DLC1: variants seen among roughly 807,000 people sequenced by gnomAD.
DLC1 encodes the protein DLC1 Rho GTPase activating protein, also known as rho GTPase-activating protein 7.
DLC1 carries 54 observed loss-of-function variants against 140.3 expected under a neutral mutation model. That is an observed-to-expected ratio of 0.38 (90% CI 0.31 to 0.48). The LOEUF is 0.48. Among genes scored for constraint, DLC1 ranks in the 20% least tolerant of loss-of-function variants. The probability of loss-of-function intolerance (pLI) is 0.96; values close to 1 mark genes in which losing one functional copy is unlikely to be tolerated. For synonymous variants in DLC1, 986 were observed against 728.1 expected (o/e 1.35, Z -5.70); for missense variants, 2,536 against 1,907.0 (o/e 1.33, Z -6.14).
At chr8:13,230,536 G>A (rs975353295) in intron 5 of DLC1, among the ~76,000 whole-genome samples, 4 of 151,934 alleles carry the variant, frequency 2.6e-5, no homozygotes, top group South Asian at 4.2e-4. Flanking sequence ...CTGCCTAAAT[G>A]GAGTAGATAT....
chr8:13,448,372 T>C (rs3066357), intron 2 of DLC1, among the ~76,000 whole-genome samples: 5 of 98,232 alleles, frequency 5.1e-5, no homozygotes, highest in East Asian at 2.9e-4. Flanking sequence ...TCTTCTTCTT[T>C]TTTTTTTTTG....
At chr8:13,508,364 C>G (rs1802201404) in intron 1 of DLC1, among the ~76,000 whole-genome samples, 2 of 152,036 alleles carry the variant, frequency 1.3e-5, no homozygotes, top group Admixed American at 6.5e-5. Context: ...CTAGGAGATC[C>G]CAGAATTAAC....
chr8:13,280,809 G>T (rs1410556513), intron 5 of DLC1, among the ~76,000 whole-genome samples: 1 of 152,168 alleles, frequency 6.6e-6, no homozygotes, highest in Non-Finnish European at 1.5e-5. Flanking sequence ...AATAATGATG[G>T]GAAATGAAAA....
rs571866975 is a variant in DLC1 at position 13,441,739 on chromosome 8, G to T, written c.1024-40120C>A. 1.2e-3 allele frequency among the ~76,000 whole-genome samples: 181 copies of T among 152,204 alleles called. 1 individual carries two copies. The highest frequency in any genetic ancestry group is 4.3e-3 in the African/African-American group (178 of 41,522). On this transcript the variant is annotated intron_variant, in intron 2 of 17. Transcript: ENST00000276297. ...ACAAACAAATGGAGGAACATTCCAT[G>T]CTCATGGGTAGGAGGAATCAATATC...
chr8:13,520,880 T>A lies in DLC1; in HGVS notation c.-125-20684A>T, dbSNP rs541954470. The stretch of plus-strand genomic sequence containing the variant: ...AAGCTGACATCACCATGTACCACCC[T>A]CCAGTCACCACCCTTGTTACATTAC... On this transcript the variant is annotated intron_variant, in intron 1 of 1. Transcript: ENST00000631382. 6.6e-5 allele frequency among the ~76,000 whole-genome samples: 10 copies of A among 152,176 alleles called. No homozygotes were observed. The South Asian group carries it at 2.1e-3, about 32-fold the overall frequency.
At chr8:13,339,262 C>T (rs556499586) in intron 4 of DLC1, among the ~76,000 whole-genome samples, 1 of 152,318 alleles carries the variant, frequency 6.6e-6, no homozygotes, top group South Asian at 2.1e-4. Context: ...TGGCTTCCAA[C>T]TCACGGAGGA....
intron 11 of DLC1, 57 bp downstream of exon 11, chr8:13,095,029 A>G: frequency 6.2e-7 from 1 of 1,613,492 alleles, no homozygotes; most frequent in Non-Finnish European, 8.5e-7. Flanking sequence ...CAACTAGAAG[A>G]AGCTGCATGT....
chr8:13,123,006 A>C (rs11204104), intron 5 of DLC1, among the ~76,000 whole-genome samples: 3 of 151,962 alleles, frequency 2.0e-5, no homozygotes, highest in African/African-American at 7.3e-5. Context: ...AGCAGCTCTC[A>C]GGGAAAATCA....
intron 5 of DLC1, among the ~76,000 whole-genome samples, chr8:13,213,762 A>G (rs185506650): frequency 6.1e-4 from 92 of 152,040 alleles, no homozygotes; most frequent in Admixed American, 5.2e-3. Context: ...TGCGTTTCAT[A>G]AGTGTTTATG....
At chr8:13,497,083 A>G (rs576500527) in intron 2 of DLC1, among the ~76,000 whole-genome samples, 6 of 152,182 alleles carry the variant, frequency 3.9e-5, no homozygotes, top group Admixed American at 3.9e-4. Context: ...TACAGGCATG[A>G]GACACCGCGC....
At chr8:13,120,356 A>AAAAAATATATATATATATATATAT in intron 5 of DLC1, among the ~76,000 whole-genome samples, 1 of 61,132 alleles carries the variant, frequency 1.6e-5, no homozygotes, top group East Asian at 7.2e-4. Flanking sequence ...AAAAAAAAAA[A>AAAAAATATATATATATATATATAT]ATATATATAT....
chr8:13,243,837 C>A (rs541785621), intron 5 of DLC1, among the ~76,000 whole-genome samples: 1 of 152,178 alleles, frequency 6.6e-6, no homozygotes, highest in Non-Finnish European at 1.5e-5. Flanking sequence ...CAATCTCATT[C>A]TCTTCCTATT....
intron 2 of DLC1, among the ~76,000 whole-genome samples, chr8:13,405,413 T>C (rs1298090576): frequency 6.6e-6 from 1 of 152,190 alleles, no homozygotes; most frequent in East Asian, 1.9e-4. Flanking sequence ...CACAATTCTT[T>C]AAGTTACTGA....
rs149570618 is a variant in DLC1, at chr8:13,363,133, T to G, written c.1314+30420A>C. On this transcript the variant is annotated intron_variant, in intron 4 of 17. Transcript: ENST00000276297. Reference sequence around the variant, plus strand: ...ATGAGACAAACATCACACAAATATTTGTAAATTACTAATTCTGTTAATGTC... The same window carrying G: ...ATGAGACAAACATCACACAAATATTGGTAAATTACTAATTCTGTTAATGTC... Among the ~76,000 whole-genome samples the G allele has an allele frequency of 7.1e-3, 1,084 of 152,354 alleles. 10 individuals are homozygous for G. The highest frequency in any genetic ancestry group is 0.012 in the Non-Finnish European group (820 of 68,040).
intron 2 of DLC1, among the ~76,000 whole-genome samples, chr8:13,447,631 A>ATT (rs1798840561): frequency 6.6e-6 from 1 of 152,208 alleles, no homozygotes; most frequent in African/African-American, 2.4e-5. Flanking sequence ...AAACGTTATA[A>ATT]TAAAATATTT....
At chr8:13,200,817 G>A (rs987743010) in intron 5 of DLC1, among the ~76,000 whole-genome samples, 13 of 152,126 alleles carry the variant, frequency 8.5e-5, no homozygotes, top group African/African-American at 2.4e-4. Flanking sequence ...AGGCTGGTCC[G>A]GAACTCCTGG....
chr8:13,531,338 C>T (rs1340719356), intron 1 of DLC1, among the ~76,000 whole-genome samples: 1 of 152,106 alleles, frequency 6.6e-6, no homozygotes, highest in African/African-American at 2.4e-5. Flanking sequence ...GTAATCCCAG[C>T]AATTTGGAAG....
At chr8:13,162,817 G>C (rs1284935942) in intron 5 of DLC1, among the ~76,000 whole-genome samples, 1 of 152,154 alleles carries the variant, frequency 6.6e-6, no homozygotes, top group East Asian at 1.9e-4. Flanking sequence ...GTGGTGTCAT[G>C]CTCCTGTATT....
chr8:13,099,740 C>G lies in DLC1; in HGVS notation c.2597G>C (p.Arg866Pro). Residue 866 changes from arginine to proline, a missense_variant, in exon 9 of 18, where the codon CGC becomes CCC. Arg to Pro is a moderately radical substitution (Grantham distance 103). Transcript: ENST00000276297. ...SSDSPKELKRRNSSSSMSSRL... is the reference protein window; with the variant it reads ...SSDSPKELKRPNSSSSMSSRL... Reference sequence around the variant, plus strand: ...GCTGCTCATGGAGCTGGAAGAATTGCGTCTCTTCAGTTCCTTGGGGCTGTC... The same window carrying G: ...GCTGCTCATGGAGCTGGAAGAATTGGGTCTCTTCAGTTCCTTGGGGCTGTC... 6.2e-7 allele frequency: 1 copy of G among 1,614,134 alleles called. No homozygotes were observed. The highest frequency in any genetic ancestry group is 1.1e-5 in the South Asian group (1 of 91,078).
Sources: gnomAD v4.1 joint callset for allele counts (sites outside exome capture counted in the v4.1 genomes callset) on GRCh38, gnomAD v4.1.1 for gene constraint, MANE v1.5 for transcripts, NCBI Gene and HGNC (gene_info 2026-07-23, HGNC 2026-07-21) for gene names.